The following RANBP2 variants were observed in gnomAD, a reference collection of about 807,000 sequenced individuals.
The protein encoded by RANBP2 is RAN binding protein 2.
In RANBP2, 57 loss-of-function variants were observed where a neutral mutation model predicts 303.6. The ratio of observed to expected loss-of-function variants is 0.19; its 90% CI spans 0.15 to 0.23. The LOEUF (loss-of-function observed/expected upper bound fraction) is 0.23. Among genes scored for constraint, RANBP2 ranks in the 10% least tolerant of loss-of-function variants. The pLI is 1.00. For synonymous variants in RANBP2, 1,167 were observed against 1,301.5 expected (o/e 0.90, Z 2.23); for missense variants, 3,138 against 3,780.8 (o/e 0.83, Z 4.46).
chr2:109,139,900 G>A, the RANBP2 span, among the ~76,000 whole-genome samples: 4 of 152,284 alleles, frequency 2.6e-5, no homozygotes, highest in African/African-American at 9.6e-5. Context: ...AAAAGGCAGC[G>A]CCACTGGGGC....
the RANBP2 span, among the ~76,000 whole-genome samples, chr2:109,678,300 A>AGGTT: frequency 6.6e-6 from 1 of 152,250 alleles, no homozygotes; most frequent in African/African-American, 2.4e-5. Context: ...TGTTGTTAGC[A>AGGTT]GGTTAACCTG....
At chr2:108,771,481 A>C (rs1306062935) in intron 20 of RANBP2, among the ~76,000 whole-genome samples, 1 of 152,128 alleles carries the variant, frequency 6.6e-6, no homozygotes, top group Non-Finnish European at 1.5e-5. Context: ...TTTGGTTTTA[A>C]ATAGATTCTG....
chr2:109,345,641 A>T, the RANBP2 span, among the ~76,000 whole-genome samples: 1 of 152,124 alleles, frequency 6.6e-6, no homozygotes, highest in African/African-American at 2.4e-5. Flanking sequence ...GCCTTGATGG[A>T]TATCTAAGTG....
chr2:109,695,962 C>A, the RANBP2 span, among the ~76,000 whole-genome samples: 1 of 151,926 alleles, frequency 6.6e-6, no homozygotes, highest in African/African-American at 2.4e-5. Context: ...CTCCTCCTCT[C>A]TCACTTTTTC....
At chr2:109,070,829 C>T in the RANBP2 span, among the ~76,000 whole-genome samples, 1 of 150,124 alleles carries the variant, frequency 6.7e-6, no homozygotes, top group African/African-American at 2.5e-5. Flanking sequence ...CACTGCACTC[C>T]AGCCTGGGCA....
chr2:109,093,184 T>C, the RANBP2 span, among the ~76,000 whole-genome samples: 2 of 152,136 alleles, frequency 1.3e-5, no homozygotes, highest in African/African-American at 4.8e-5. Flanking sequence ...GGAAGAGCAA[T>C]AGAAACGGCT....
At chr2:109,721,752 G>T in the RANBP2 span, among the ~76,000 whole-genome samples, 5 of 152,270 alleles carry the variant, frequency 3.3e-5, no homozygotes, top group South Asian at 6.2e-4. Flanking sequence ...CTGGAGGCCC[G>T]CTAGTGTCTG....
chr2:109,408,589 G>A, the RANBP2 span, among the ~76,000 whole-genome samples: 1 of 152,364 alleles, frequency 6.6e-6, no homozygotes, highest in East Asian at 1.9e-4. Context: ...ACCAGCCCGT[G>A]AGCTTCGCTG....
chr2:109,350,321 T>TA, the RANBP2 span, among the ~76,000 whole-genome samples: 1 of 152,206 alleles, frequency 6.6e-6, no homozygotes, highest in African/African-American at 2.4e-5. Context: ...CATCTCCTGT[T>TA]ACAGGATCTG....
the RANBP2 span, among the ~76,000 whole-genome samples, chr2:109,066,570 G>A: frequency 4.6e-5 from 7 of 152,254 alleles, no homozygotes; most frequent in East Asian, 1.9e-4. Context: ...TGAAAGAAAC[G>A]CAGTTGGTGT....
At chr2:109,491,032 G>A in the RANBP2 span, 8,499 of 1,209,604 alleles carry the variant, frequency 7.0e-3, 38 homozygotes, top group Non-Finnish European at 8.6e-3. Flanking sequence ...TGGCCTTGCT[G>A]GGATTAGGTT....
the RANBP2 span, among the ~76,000 whole-genome samples, chr2:108,961,547 G>T: frequency 6.6e-6 from 1 of 152,230 alleles, no homozygotes; most frequent in Non-Finnish European, 1.5e-5. Context: ...CATGCTGAAG[G>T]TTGAACTGCT....
At chr2:109,064,348 C>T in the RANBP2 span, among the ~76,000 whole-genome samples, 6 of 145,142 alleles carry the variant, frequency 4.1e-5, no homozygotes, top group East Asian at 2.1e-4. Flanking sequence ...CCCAGCTACT[C>T]GGGAGGCTGA....
At chr2:109,620,690 ACT>A in the RANBP2 span, among the ~76,000 whole-genome samples, 125 of 151,286 alleles carry the variant, frequency 8.3e-4, no homozygotes, top group Non-Finnish European at 1.1e-3. Flanking sequence ...CATCACAGCG[ACT>A]CTGTCTCAAA....
the RANBP2 span, among the ~76,000 whole-genome samples, chr2:109,677,161 G>T: frequency 2.0e-5 from 3 of 152,012 alleles, no homozygotes; most frequent in Non-Finnish European, 4.4e-5. Context: ...CCTCCTCTGG[G>T]CACCTTTCCC....
chr2:109,166,188 A>C, the RANBP2 span, among the ~76,000 whole-genome samples: 4 of 152,108 alleles, frequency 2.6e-5, no homozygotes, highest in Non-Finnish European at 4.4e-5. Context: ...GTTTCAAAGG[A>C]AAGATGCAGG....
chr2:108,831,778 G>C, the RANBP2 span, among the ~76,000 whole-genome samples: 2 of 148,334 alleles, frequency 1.3e-5, no homozygotes, highest in Non-Finnish European at 2.9e-5. Context: ...TGTTGCCCAG[G>C]CTGGAGCGCA....
the RANBP2 span, among the ~76,000 whole-genome samples, chr2:109,505,580 G>T: frequency 6.6e-6 from 1 of 152,314 alleles, no homozygotes; most frequent in East Asian, 1.9e-4. Context: ...TGGGGAGGTA[G>T]CTGCAGGCCT....
chr2:109,583,962 T>C, the RANBP2 span, among the ~76,000 whole-genome samples: 1 of 152,066 alleles, frequency 6.6e-6, no homozygotes, highest in Non-Finnish European at 1.5e-5. Context: ...GATATAAAGA[T>C]GGCAACAACA....
Sources: allele counts gnomAD v4.1 joint callset (sites outside exome capture counted in the v4.1 genomes callset), GRCh38; gene constraint gnomAD v4.1.1; transcripts MANE v1.5; gene names NCBI Gene and HGNC (gene_info 2026-07-23, HGNC 2026-07-21).